Variants in CRPPA observed in about 807,000 individuals in gnomAD.
CRPPA encodes D-ribitol-5-phosphate cytidylyltransferase.
In CRPPA, 43 loss-of-function variants were observed where a neutral mutation model predicts 52.0. That is an observed-to-expected ratio of 0.83 (90% confidence interval 0.65 to 1.07). The LOEUF (loss-of-function observed/expected upper bound fraction) is 1.07. CRPPA is among the 50% of genes least tolerant of loss of function. CRPPA has a pLI of 0.00. For synonymous variants in CRPPA, 250 were observed against 203.5 expected (o/e 1.23, Z -1.94); for missense variants, 629 against 551.7 (o/e 1.14, Z -1.40).
intron 9 of CRPPA, among the ~76,000 whole-genome samples, chr7:16,203,308 G>C (rs28411293): frequency 6.6e-6 from 1 of 151,980 alleles, no homozygotes; most frequent in Non-Finnish European, 1.5e-5. Flanking sequence ...CCTTATTCTC[G>C]TTCATGAAGT....
intron 9 of CRPPA, among the ~76,000 whole-genome samples, chr7:16,151,515 A>G (rs1562527791): frequency 6.6e-6 from 1 of 152,134 alleles, no homozygotes; most frequent in African/African-American, 2.4e-5. Context: ...CACTATAGTT[A>G]TTATGCCCAT....
intron 8 of CRPPA, among the ~76,000 whole-genome samples, chr7:16,257,229 A>G (rs370105603): frequency 1.3e-5 from 2 of 152,262 alleles, no homozygotes; most frequent in East Asian, 3.9e-4. Flanking sequence ...TATTTTCACT[A>G]CATTGGACGG....
intron 8 of CRPPA, among the ~76,000 whole-genome samples, chr7:16,241,812 T>C (rs544483764): frequency 2.0e-5 from 3 of 152,220 alleles, no homozygotes; most frequent in South Asian, 4.2e-4. Context: ...TAGTTCGTTT[T>C]TTTCTCCTGA....
At position 16,176,378 on chromosome 7, in the gene CRPPA, C is replaced by A. The variant is rs189760426; in HGVS notation, c.1251+39688G>T. ...AACTCTGACACCAACCAAAGCGATT[C>A]ACCAAAGTAGCTACATAGATAGCAA... On this transcript the variant is annotated intron_variant, in intron 9 of 9. Transcript: ENST00000407010. Among the ~76,000 whole-genome samples the A allele has an allele frequency of 1.3e-3, 191 of 152,206 alleles. 1 individual carries two copies. The highest frequency in any genetic ancestry group is 4.3e-3 in the African/African-American group (178 of 41,520).
chr7:16,268,104 AATC>A (rs1784000261), intron 6 of CRPPA, among the ~76,000 whole-genome samples: 1 of 152,114 alleles, frequency 6.6e-6, no homozygotes, highest in South Asian at 2.1e-4. Context: ...TCCATATTAA[AATC>A]ATGTGATGAG....
chr7:16,122,251 G>A (rs1049729662), intron 9 of CRPPA, among the ~76,000 whole-genome samples: 1 of 151,998 alleles, frequency 6.6e-6, no homozygotes, highest in Admixed American at 6.6e-5. Context: ...TATTCATTCT[G>A]ATTGGGATTG....
At chr7:16,284,832 G>A (rs909847767) in intron 5 of CRPPA, among the ~76,000 whole-genome samples, 2 of 151,940 alleles carry the variant, frequency 1.3e-5, no homozygotes, top group Admixed American at 6.6e-5. Context: ...AATTAAGATT[G>A]TCTCAAAAAA....
At chr7:16,182,803 T>C (rs1781437052) in intron 9 of CRPPA, among the ~76,000 whole-genome samples, 1 of 152,196 alleles carries the variant, frequency 6.6e-6, no homozygotes, top group Non-Finnish European at 1.5e-5. Context: ...TCATCTTACC[T>C]TTTTGGATTT....
At chr7:16,322,162 C>T (rs372142086) in intron 3 of CRPPA, among the ~76,000 whole-genome samples, 1 of 151,966 alleles carries the variant, frequency 6.6e-6, no homozygotes, top group African/African-American at 2.4e-5. Context: ...CAAAAATGAA[C>T]ACAAAATACC....
At chr7:16,125,678 T>G (rs549509064) in intron 9 of CRPPA, among the ~76,000 whole-genome samples, 2 of 152,134 alleles carry the variant, frequency 1.3e-5, no homozygotes, top group Non-Finnish European at 2.9e-5. Flanking sequence ...AAATCAATTA[T>G]TTTTTAATTG....
At chr7:16,205,388 TA>T (rs1781952541) in intron 9 of CRPPA, among the ~76,000 whole-genome samples, 1 of 152,096 alleles carries the variant, frequency 6.6e-6, no homozygotes, top group Non-Finnish European at 1.5e-5. Context: ...GGTACAACTG[TA>T]AAAAATACGA....
chr7:16,256,609 T>C (rs1249689819), intron 8 of CRPPA, among the ~76,000 whole-genome samples: 1 of 152,182 alleles, frequency 6.6e-6, no homozygotes, highest in Non-Finnish European at 1.5e-5. Context: ...TCATGTCCTT[T>C]GCAGGGACAT....
intron 3 of CRPPA, among the ~76,000 whole-genome samples, chr7:16,349,244 C>T (rs1786088638): frequency 6.6e-6 from 1 of 152,084 alleles, no homozygotes; most frequent in Non-Finnish European, 1.5e-5. Context: ...TAAAGGTCCA[C>T]AAAAAACAGA....
At chr7:16,184,473 A>G (rs968412782) in intron 9 of CRPPA, among the ~76,000 whole-genome samples, 5 of 152,202 alleles carry the variant, frequency 3.3e-5, no homozygotes, top group African/African-American at 1.2e-4. Flanking sequence ...ACATTTAGTA[A>G]ATAAAGTAAA....
intron 3 of CRPPA, among the ~76,000 whole-genome samples, chr7:16,321,394 T>C (rs1785261715): frequency 6.6e-6 from 1 of 152,048 alleles, no homozygotes; most frequent in South Asian, 2.1e-4. Context: ...TAACCTTATA[T>C]GACAACACTG....
At chr7:16,153,009 A>G (rs1030775674) in intron 9 of CRPPA, among the ~76,000 whole-genome samples, 1 of 152,020 alleles carries the variant, frequency 6.6e-6, no homozygotes, top group Non-Finnish European at 1.5e-5. Flanking sequence ...TAACTGTGAT[A>G]TCCTTAATTG....
chr7:16,225,749 A>G (rs962725303), intron 8 of CRPPA, among the ~76,000 whole-genome samples: 1 of 151,958 alleles, frequency 6.6e-6, no homozygotes, highest in Non-Finnish European at 1.5e-5. Flanking sequence ...AAAAAATACT[A>G]AACAGTTTTA....
intron 9 of CRPPA, among the ~76,000 whole-genome samples, chr7:16,093,991 G>A (rs1453335998): frequency 3.3e-5 from 5 of 152,058 alleles, no homozygotes; most frequent in African/African-American, 1.2e-4. Context: ...TTATAATGAA[G>A]GCAGCACAGT....
At chr7:16,360,939 G>C (rs1786427355) in intron 3 of CRPPA, among the ~76,000 whole-genome samples, 3 of 151,928 alleles carry the variant, frequency 2.0e-5, no homozygotes, top group Non-Finnish European at 4.4e-5. Context: ...GCAATCTCTG[G>C]AATAGAAGAG....
Sources: gnomAD v4.1 joint callset for allele counts (sites outside exome capture counted in the v4.1 genomes callset) on GRCh38, gnomAD v4.1.1 for gene constraint, MANE v1.5 for transcripts, NCBI Gene and HGNC (gene_info 2026-07-23, HGNC 2026-07-21) for gene names.